KCTD16: variants seen among roughly 807,000 people sequenced by gnomAD.
KCTD16 encodes the protein potassium channel tetramerization domain containing 16, also known as BTB/POZ domain-containing protein KCTD16.
KCTD16 carries 13 observed loss-of-function variants against 33.2 expected under a neutral mutation model. That is an observed-to-expected ratio of 0.39 (90% CI 0.25 to 0.62). The LOEUF is 0.62. KCTD16 is among the 20% of genes least tolerant of loss of function. The pLI is 0.50. For missense variants in KCTD16, 441 were observed against 525.1 expected (o/e 0.84, Z 1.57); for synonymous variants, 197 against 195.3 (o/e 1.01, Z -0.07).
At chr5:144,336,119 GCT>G (rs1334589500) in intron 3 of KCTD16, among the ~76,000 whole-genome samples, 1 of 152,166 alleles carries the variant, frequency 6.6e-6, no homozygotes, top group African/African-American at 2.4e-5. Flanking sequence ...AGGCAGACAG[GCT>G]GTCTTGTGCA....
At chr5:144,450,184 G>A (rs534135648) in intron 3 of KCTD16, among the ~76,000 whole-genome samples, 1 of 152,008 alleles carries the variant, frequency 6.6e-6, no homozygotes, top group South Asian at 2.1e-4. Flanking sequence ...AATGGCCACC[G>A]GGTATATAAA....
At position 144,474,152 on chromosome 5, in the gene KCTD16, T is replaced by C. The variant is rs200218592; in HGVS notation, c.*38T>C. On this transcript the variant is annotated 3_prime_UTR_variant, in exon 4 of 4. Transcript: ENST00000512467. The stretch of plus-strand genomic sequence containing the variant: ...GGCGGGAAAAGAAAAAAAAAAGTCA[T>C]TTTGAAATTAACCTCCTAAAAGGAA... The C allele has an allele frequency of 4.7e-6, 7 of 1,474,996 alleles. No homozygotes were observed. In the Admixed American group the frequency reaches 1.3e-4, roughly 28 times the overall value. 91.4% of individuals were successfully genotyped at this position (1,474,996 alleles called of 1,614,324 possible). A position where few individuals can be genotyped will look rare whatever the true frequency, so the allele number is the denominator to read the frequency against.
chr5:144,361,906 TTGTGTGTGTGTGTGTGTG>T (rs3996310), intron 3 of KCTD16, among the ~76,000 whole-genome samples: 2 of 143,990 alleles, frequency 1.4e-5, no homozygotes, highest in Non-Finnish European at 3.0e-5. Flanking sequence ...TGGTGTTATT[TTGTGTGTGTGTGTGTGTG>T]TGTGTGTGTG....
At chr5:144,399,427 G>A (rs1037210511) in intron 3 of KCTD16, among the ~76,000 whole-genome samples, 2 of 151,764 alleles carry the variant, frequency 1.3e-5, no homozygotes, top group African/African-American at 4.8e-5. Context: ...TTTGTAATTT[G>A]TTGTTACTGC....
intron 3 of KCTD16, among the ~76,000 whole-genome samples, chr5:144,341,145 T>G (rs1752630674): frequency 6.6e-6 from 1 of 152,196 alleles, no homozygotes; most frequent in Admixed American, 6.5e-5. Flanking sequence ...TGAGTTATAA[T>G]TTTTGTTGTT....
At chr5:144,444,699 T>C (rs534809282) in intron 3 of KCTD16, among the ~76,000 whole-genome samples, 1 of 151,888 alleles carries the variant, frequency 6.6e-6, no homozygotes, top group Non-Finnish European at 1.5e-5. Flanking sequence ...TATCAAAAAA[T>C]CTAATGATAA....
At chr5:144,188,745 G>A (rs1752780483) in intron 2 of KCTD16, among the ~76,000 whole-genome samples, 1 of 152,194 alleles carries the variant, frequency 6.6e-6, no homozygotes, top group African/African-American at 2.4e-5. Flanking sequence ...GTTTGGAGTG[G>A]AAAAGAGTCA....
At position 144,209,344 on chromosome 5, in the gene KCTD16, A is replaced by G. The variant is rs7703363; in HGVS notation, c.832+1798A>G. The stretch of plus-strand genomic sequence containing the variant: ...GATTTCCCTTTAGATTTATCTGGAC[A>G]GGCTCCATTCTCCTGACTATGTCGT... On this transcript the variant is annotated intron_variant, in intron 3 of 3. Transcript: ENST00000512467. Among the ~76,000 whole-genome samples the G allele has an allele frequency of 3.7e-3, 562 of 152,320 alleles. 5 individuals are homozygous for G. Among genetic ancestry groups the G allele is most frequent in the African/African-American group, 0.012 (507 of 41,584 alleles).
intron 3 of KCTD16, among the ~76,000 whole-genome samples, chr5:144,287,224 T>C (rs183330497): frequency 1.3e-5 from 2 of 152,258 alleles, no homozygotes; most frequent in African/African-American, 4.8e-5. Flanking sequence ...TGAGTCAAAA[T>C]TGGCCATTAA....
intron 2 of KCTD16, among the ~76,000 whole-genome samples, chr5:144,205,104 GGA>G (rs2126788018): frequency 6.6e-6 from 1 of 152,300 alleles, no homozygotes; most frequent in Admixed American, 6.5e-5. Context: ...GGATGGTGAT[GGA>G]GGTAAAGACA....
intron 3 of KCTD16, among the ~76,000 whole-genome samples, chr5:144,327,047 C>G (rs1752225197): frequency 6.6e-6 from 1 of 152,060 alleles, no homozygotes. Context: ...CCATTTGGAA[C>G]TTATTGGTGT....
intron 3 of KCTD16, among the ~76,000 whole-genome samples, chr5:144,434,089 T>A (rs1753526257): frequency 1.3e-5 from 2 of 152,180 alleles, no homozygotes; most frequent in African/African-American, 4.8e-5. Context: ...CTTTCTTCAA[T>A]GAAACTAAAG....
intron 3 of KCTD16, among the ~76,000 whole-genome samples, chr5:144,432,819 G>A (rs890834730): frequency 9.9e-5 from 15 of 151,844 alleles, no homozygotes; most frequent in African/African-American, 3.6e-4. Context: ...TTTGTTTTAT[G>A]TACCAGCTAC....
At chr5:144,182,237 C>G (rs1342500308) in intron 2 of KCTD16, among the ~76,000 whole-genome samples, 6 of 152,298 alleles carry the variant, frequency 3.9e-5, no homozygotes, top group East Asian at 3.9e-4. Context: ...TCACTTCCCC[C>G]CTTCACCTTC....
At chr5:144,389,424 T>TTGTGAACTGA (rs1752402524) in intron 3 of KCTD16, among the ~76,000 whole-genome samples, 1 of 152,054 alleles carries the variant, frequency 6.6e-6, no homozygotes, top group Admixed American at 6.6e-5. Flanking sequence ...GAACTGAGCA[T>TTGTGAACTGA]GCAAGGGATC....
At chr5:144,230,739 G>A (rs1754077418) in intron 3 of KCTD16, among the ~76,000 whole-genome samples, 2 of 152,142 alleles carry the variant, frequency 1.3e-5, no homozygotes, top group Admixed American at 6.5e-5. Flanking sequence ...TAATATGGAA[G>A]TGATACAAGT....
At chr5:144,288,002 G>A (rs1053123056) in intron 3 of KCTD16, among the ~76,000 whole-genome samples, 40 of 152,116 alleles carry the variant, frequency 2.6e-4, no homozygotes, top group African/African-American at 9.4e-4. Context: ...AGGATCTAGA[G>A]CATTGATTTT....
intron 3 of KCTD16, among the ~76,000 whole-genome samples, chr5:144,431,375 C>T (rs941131007): frequency 3.9e-5 from 6 of 152,264 alleles, no homozygotes; most frequent in South Asian, 4.1e-4. Flanking sequence ...TTCACAAATA[C>T]AATGAGGTAC....
At chr5:144,455,944 C>T (rs555818041) in intron 3 of KCTD16, among the ~76,000 whole-genome samples, 1 of 152,262 alleles carries the variant, frequency 6.6e-6, no homozygotes, top group African/African-American at 2.4e-5. Context: ...ATACGATTCA[C>T]AGATAGACAG....
Sources: gnomAD v4.1 joint callset for allele counts (sites outside exome capture counted in the v4.1 genomes callset) on GRCh38, gnomAD v4.1.1 for gene constraint, MANE v1.5 for transcripts, NCBI Gene and HGNC (gene_info 2026-07-23, HGNC 2026-07-21) for gene names.